TUSC3: variants seen among roughly 807,000 people sequenced by gnomAD.
The protein encoded by TUSC3 is dolichyl-diphosphooligosaccharide--protein glycosyltransferase subunit TUSC3.
In TUSC3, 45 loss-of-function variants were observed where a neutral mutation model predicts 44.8. The observed-to-expected ratio is 1.00, with a 90% CI of 0.79 to 1.29. TUSC3 has a LOEUF of 1.29. TUSC3 is among the 50% of genes most tolerant of loss of function. TUSC3 has a pLI of 0.00. For missense variants in TUSC3, 519 were observed against 437.9 expected (o/e 1.19, Z -1.65); for synonymous variants, 212 against 152.9 (o/e 1.39, Z -2.85).
At chr8:15,481,457 G>A (rs1585060522) in intron 1 of TUSC3, among the ~76,000 whole-genome samples, 1 of 151,908 alleles carries the variant, frequency 6.6e-6, no homozygotes, top group African/African-American at 2.4e-5. Context: ...TCACAAGAAG[G>A]CCCTCACCAA....
At chr8:15,679,412 G>A (rs1411709930) in intron 6 of TUSC3, among the ~76,000 whole-genome samples, 2 of 151,956 alleles carry the variant, frequency 1.3e-5, no homozygotes, top group Admixed American at 6.6e-5. Flanking sequence ...CTTTTGACAC[G>A]TATCAGTTCA....
chr8:15,474,430 G>A (rs947678972), intron 1 of TUSC3, among the ~76,000 whole-genome samples: 1 of 152,154 alleles, frequency 6.6e-6, no homozygotes, highest in Non-Finnish European at 1.5e-5. Context: ...ACTGGTGAAT[G>A]TCCATGAAAT....
At chr8:15,613,527 G>A (rs1421286419) in intron 1 of TUSC3, among the ~76,000 whole-genome samples, 1 of 152,122 alleles carries the variant, frequency 6.6e-6, no homozygotes, top group Non-Finnish European at 1.5e-5. Flanking sequence ...GAAGTTCCCT[G>A]TACATGCTGT....
chr8:15,768,060 G>A (rs567312007), downstream of TUSC3, among the ~76,000 whole-genome samples: 4 of 152,146 alleles, frequency 2.6e-5, no homozygotes, highest in African/African-American at 7.2e-5. Context: ...AACAGGAAGT[G>A]AAGACTAAAA....
intron 1 of TUSC3, among the ~76,000 whole-genome samples, chr8:15,562,519 A>G (rs1802515659): frequency 6.6e-6 from 1 of 152,142 alleles, no homozygotes; most frequent in Non-Finnish European, 1.5e-5. Flanking sequence ...CCTAGTTTCT[A>G]GATGTCAGAA....
chr8:15,529,149 C>T (rs1030339572), intron 2 of TUSC3, among the ~76,000 whole-genome samples: 3 of 152,098 alleles, frequency 2.0e-5, no homozygotes, highest in African/African-American at 7.2e-5. Context: ...ATATCCGAAG[C>T]ACAAACACAA....
intron 1 of TUSC3, among the ~76,000 whole-genome samples, chr8:15,563,037 T>C (rs1802536831): frequency 6.6e-6 from 1 of 152,100 alleles, no homozygotes; most frequent in South Asian, 2.1e-4. Context: ...TGGGGATTAT[T>C]TCATTTATGC....
At chr8:15,442,773 T>G (rs369741388) in intron 1 of TUSC3, among the ~76,000 whole-genome samples, 2 of 152,140 alleles carry the variant, frequency 1.3e-5, no homozygotes, top group African/African-American at 4.8e-5. Flanking sequence ...GACTTCCTCC[T>G]TGACCAAACT....
the TUSC3 span, among the ~76,000 whole-genome samples, chr8:15,808,123 TAG>T: frequency 6.6e-6 from 1 of 152,194 alleles, no homozygotes; most frequent in African/African-American, 2.4e-5. Context: ...CATTTTATTG[TAG>T]AGATTAGGGA....
intron 5 of TUSC3, among the ~76,000 whole-genome samples, chr8:15,665,961 G>A (rs991813394): frequency 3.3e-5 from 5 of 151,272 alleles, no homozygotes; most frequent in Non-Finnish European, 5.9e-5. Context: ...CCCTAAACAC[G>A]GAGGATGGTG....
chr8:15,806,132 G>T, the TUSC3 span: 3 of 445,458 alleles, frequency 6.7e-6, no homozygotes, highest in African/African-American at 4.0e-5. Context: ...AAACTCCATG[G>T]CTAGATGAGC....
upstream of TUSC3, among the ~76,000 whole-genome samples, chr8:15,539,296 C>T (rs1585081254): frequency 6.7e-6 from 1 of 148,680 alleles, no homozygotes; most frequent in African/African-American, 2.5e-5. Context: ...TGCATTAGAA[C>T]GGATCAGGCC....
the TUSC3 span, among the ~76,000 whole-genome samples, chr8:15,832,976 A>G: frequency 6.6e-6 from 1 of 152,172 alleles, no homozygotes; most frequent in Admixed American, 6.6e-5. Context: ...AGCAGAATAT[A>G]CATTGTTCTC....
intron 6 of TUSC3, among the ~76,000 whole-genome samples, chr8:15,700,867 T>TTTTTTTTTTTG (rs1809369912): frequency 8.4e-6 from 1 of 119,638 alleles, no homozygotes; most frequent in Non-Finnish European, 1.9e-5. Flanking sequence ...TTTTTTTTTT[T>TTTTTTTTTTTG]GCTTTGCCTG....
chr8:15,426,509 T>G (rs751777702), intron 1 of TUSC3, among the ~76,000 whole-genome samples: 8 of 152,240 alleles, frequency 5.3e-5, no homozygotes, highest in Non-Finnish European at 1.0e-4. Context: ...TGTCCTTCTG[T>G]GACTGGCTTA....
chr8:15,829,282 C>T, the TUSC3 span, among the ~76,000 whole-genome samples: 2 of 152,194 alleles, frequency 1.3e-5, no homozygotes, highest in South Asian at 2.1e-4. Context: ...TGAGCATAAA[C>T]GTTTGATAAA....
chr8:15,650,002 C>G (rs1163113399), intron 2 of TUSC3, among the ~76,000 whole-genome samples: 3 of 152,084 alleles, frequency 2.0e-5, no homozygotes, highest in African/African-American at 7.2e-5. Flanking sequence ...TCTGTTTCTT[C>G]TCTGTTCCTA....
chr8:15,618,944 A>G (rs1273936009), intron 1 of TUSC3, among the ~76,000 whole-genome samples: 1 of 152,102 alleles, frequency 6.6e-6, no homozygotes, highest in Non-Finnish European at 1.5e-5. Flanking sequence ...TTGTTAAGTG[A>G]TTAACATCAC....
At chr8:15,657,902 C>T (rs1006786160) in intron 3 of TUSC3, among the ~76,000 whole-genome samples, 1 of 152,106 alleles carries the variant, frequency 6.6e-6, no homozygotes, top group Non-Finnish European at 1.5e-5. Flanking sequence ...AAATATTTAC[C>T]TGCCGGCGTC....
Sources: allele counts gnomAD v4.1 joint callset (sites outside exome capture counted in the v4.1 genomes callset), GRCh38; gene constraint gnomAD v4.1.1; transcripts MANE v1.5; gene names NCBI Gene and HGNC (gene_info 2026-07-23, HGNC 2026-07-21).